The following PRIM2 variants were observed in gnomAD, a reference collection of about 807,000 sequenced individuals.
PRIM2 encodes the protein DNA primase large subunit.
In PRIM2, 39 loss-of-function variants were observed where a neutral mutation model predicts 67.3. That is an observed-to-expected ratio of 0.58 (90% CI 0.45 to 0.76). The LOEUF (loss-of-function observed/expected upper bound fraction) is 0.76. PRIM2 is among the 30% of genes least tolerant of loss of function. The pLI, the probability that PRIM2 is intolerant of heterozygous loss-of-function variation, is 0.00. For missense variants in PRIM2, 398 were observed against 598.7 expected (o/e 0.66, Z 3.50); for synonymous variants, 143 against 198.7 (o/e 0.72, Z 2.36).
the PRIM2 span, chr6:57,222,439 A>G: frequency 6.6e-6 from 1 of 152,330 alleles, no homozygotes; most frequent in Admixed American, 6.5e-5. Flanking sequence ...TGGGGAGATC[A>G]GAGACGAGCA....
chr6:57,358,118 CTGTT>C (rs1348315156), intron 5 of PRIM2, among the ~76,000 whole-genome samples: 1 of 152,212 alleles, frequency 6.6e-6, no homozygotes, highest in African/African-American at 2.4e-5. Flanking sequence ...ACCCTAGAAA[CTGTT>C]TGGCCTTTTG....
At chr6:57,599,564 CACTTT>C (rs1173125106) in intron 10 of PRIM2, among the ~76,000 whole-genome samples, 2 of 151,776 alleles carry the variant, frequency 1.3e-5, no homozygotes, top group Admixed American at 6.6e-5. Context: ...ATTTTTATAG[CACTTT>C]ACTTCTTTTA....
intron 5 of PRIM2, among the ~76,000 whole-genome samples, chr6:57,327,684 C>T (rs1273815706): frequency 1.3e-5 from 2 of 152,232 alleles, no homozygotes; most frequent in Admixed American, 1.3e-4. Context: ...TTATCAATTA[C>T]AGTTAATTTA....
chr6:57,617,745 G>C (rs1205892385), intron 12 of PRIM2, among the ~76,000 whole-genome samples: 1 of 152,216 alleles, frequency 6.6e-6, no homozygotes, highest in East Asian at 1.9e-4. Flanking sequence ...GTGGACAAAA[G>C]ATTTTAATTT....
At chr6:57,570,333 A>G (rs1290341072) in intron 10 of PRIM2, among the ~76,000 whole-genome samples, 3 of 152,350 alleles carry the variant, frequency 2.0e-5, no homozygotes, top group Admixed American at 1.3e-4. Context: ...CCTTGCCAGT[A>G]TCATAGAGCA....
chr6:57,459,391 T>G (rs1426399274), intron 7 of PRIM2, among the ~76,000 whole-genome samples: 1 of 152,196 alleles, frequency 6.6e-6, no homozygotes, highest in African/African-American at 2.4e-5. Context: ...GATTAGGAAT[T>G]GAATAAAATG....
At chr6:57,535,405 G>C (rs1774983759) in intron 9 of PRIM2, among the ~76,000 whole-genome samples, 2 of 152,304 alleles carry the variant, frequency 1.3e-5, no homozygotes, top group Middle Eastern at 3.4e-3. Context: ...TTTTGCCCTT[G>C]TTGGAGCCCT....
chr6:57,631,961 A>G (rs1237052365), intron 12 of PRIM2, among the ~76,000 whole-genome samples, 172 bp from the exon 13 acceptor site: 1 of 152,214 alleles, frequency 6.6e-6, no homozygotes, highest in Admixed American at 6.5e-5. Flanking sequence ...ACTACTGTAT[A>G]ATGTCAGAAT....
intron 5 of PRIM2, among the ~76,000 whole-genome samples, chr6:57,340,325 G>A (rs1266149136): frequency 7.9e-5 from 12 of 152,182 alleles, no homozygotes; most frequent in Middle Eastern, 3.4e-3. Context: ...AGAACTAGAA[G>A]TACCATTTGA....
chr6:57,528,763 C>T (rs1236129819), intron 8 of PRIM2, among the ~76,000 whole-genome samples: 3 of 152,244 alleles, frequency 2.0e-5, no homozygotes, highest in Non-Finnish European at 4.4e-5. Flanking sequence ...GATGGCTCCT[C>T]TACAGGATCA....
intron 5 of PRIM2, among the ~76,000 whole-genome samples, chr6:57,368,174 T>C (rs1340237779): frequency 6.6e-6 from 1 of 152,170 alleles, no homozygotes; most frequent in Non-Finnish European, 1.5e-5. Context: ...TGATTCCTAA[T>C]TGTTTTATAT....
Position 57,537,467 on chromosome 6 carries a change from A to G in PRIM2, c.862A>G (p.Met288Val). ...LLSTKSFPPC[M>V]RQLHKALREN... ...TTCTACCAAATCCTTCCCACCTTGC[A>G]TGCGTCAGTTACATAAAGCCTTGCG... Residue 288 changes from methionine to valine, a missense_variant, in exon 10 of 14, where the codon ATG (methionine) becomes GTG (valine). Met to Val is a conservative substitution (Grantham distance 21). This residue lies in a region of PRIM2 where 229 missense variants were observed against 383.6 expected (regional missense o/e 0.60). Coordinates refer to ENST00000615550, the MANE Select transcript of PRIM2 (RefSeq NM_000947.5). The G allele has an allele frequency of 3.4e-6, 5 of 1,459,050 alleles. No individual in the cohort carries two copies. Among genetic ancestry groups the G allele is most frequent in the Non-Finnish European group, 4.7e-6 (5 of 1,059,700 alleles). The allele number at this position is 1,459,050 out of a possible 1,614,324, so 90.4% of individuals were successfully genotyped here.
intron 5 of PRIM2, among the ~76,000 whole-genome samples, chr6:57,352,191 T>G (rs2127301448): frequency 6.6e-6 from 1 of 152,326 alleles, no homozygotes; most frequent in African/African-American, 2.4e-5. Context: ...ACTAATTTTT[T>G]GTGATAAATA....
intron 10 of PRIM2, among the ~76,000 whole-genome samples, chr6:57,547,282 A>G (rs1775308274): frequency 6.6e-6 from 1 of 152,076 alleles, no homozygotes; most frequent in Non-Finnish European, 1.5e-5. Flanking sequence ...TTTTAGATAT[A>G]GGGGGTACAT....
chr6:57,323,571 G>A (rs750293363), intron 3 of PRIM2, among the ~76,000 whole-genome samples: 19 of 152,032 alleles, frequency 1.2e-4, no homozygotes, highest in Non-Finnish European at 2.2e-4. Flanking sequence ...AAATGTTTTG[G>A]CAATGAGAAC....
At chr6:57,304,443 G>A in the PRIM2 span, among the ~76,000 whole-genome samples, 2 of 152,182 alleles carry the variant, frequency 1.3e-5, no homozygotes, top group Non-Finnish European at 2.9e-5. Context: ...CATGCAGACA[G>A]AAAATTCCCA....
At chr6:57,459,985 C>T (rs1272674658) in intron 7 of PRIM2, among the ~76,000 whole-genome samples, 16 of 152,158 alleles carry the variant, frequency 1.1e-4, no homozygotes, top group Non-Finnish European at 2.2e-4. Flanking sequence ...AGAGCCCCCT[C>T]CTGGTCATGA....
chr6:57,223,043 C>T, the PRIM2 span, among the ~76,000 whole-genome samples: 3 of 152,076 alleles, frequency 2.0e-5, no homozygotes, highest in African/African-American at 7.3e-5. Context: ...ATGAGAATAA[C>T]CCAAAAGACC....
intron 7 of PRIM2, among the ~76,000 whole-genome samples, chr6:57,415,304 C>T (rs1771222253): frequency 6.6e-6 from 1 of 152,150 alleles, no homozygotes; most frequent in South Asian, 2.1e-4. Context: ...AAAGATATTG[C>T]AGGTTCTGTT....
Sources: allele counts gnomAD v4.1 joint callset (sites outside exome capture counted in the v4.1 genomes callset), GRCh38; gene constraint gnomAD v4.1.1; regional missense constraint gnomAD v4.1.1; transcripts MANE v1.5; gene names NCBI Gene and HGNC (gene_info 2026-07-23, HGNC 2026-07-21).